The following ELK3 variants were observed in gnomAD, a reference collection of about 807,000 sequenced individuals.
The protein encoded by ELK3 is ETS domain-containing protein Elk-3.
In ELK3, 10 loss-of-function variants were observed where a neutral mutation model predicts 28.9. The observed-to-expected ratio is 0.35, with a 90% CI of 0.21 to 0.59. The LOEUF is 0.59. Among genes scored for constraint, ELK3 ranks in the 20% least tolerant of loss-of-function variants. The pLI, the probability that ELK3 is intolerant of heterozygous loss-of-function variation, is 0.82. For missense variants in ELK3, 463 were observed against 517.3 expected, an observed-to-expected ratio of 0.90 and a Z score of 1.02; for synonymous variants, 272 against 243.5, an observed-to-expected ratio of 1.12 and a Z score of -1.09.
intron 1 of ELK3, among the ~76,000 whole-genome samples, chr12:96,199,028 G>A (rs1265882500): frequency 6.6e-6 from 1 of 152,144 alleles, no homozygotes. Flanking sequence ...AATGTTCTAA[G>A]AATGCTGCCC....
At chr12:96,263,261 G>A (rs1303755651) in intron 4 of ELK3, among the ~76,000 whole-genome samples, 1 of 152,192 alleles carries the variant, frequency 6.6e-6, no homozygotes, top group Non-Finnish European at 1.5e-5. Context: ...CTTTAAAATT[G>A]AGAAATGTTT....
intron 1 of ELK3, among the ~76,000 whole-genome samples, chr12:96,195,994 G>T (rs1438444767): frequency 6.8e-6 from 1 of 145,990 alleles, no homozygotes; most frequent in Non-Finnish European, 1.5e-5. Flanking sequence ...AGTTGTTTTT[G>T]GAGTTGGCTG....
intron 1 of ELK3, among the ~76,000 whole-genome samples, chr12:96,212,042 C>T (rs34917590): frequency 6.6e-5 from 10 of 152,164 alleles, no homozygotes; most frequent in African/African-American, 2.4e-4. Context: ...CGATAAGAAC[C>T]TCAGTGTTGT....
intron 2 of ELK3, among the ~76,000 whole-genome samples, chr12:96,239,216 ACCT>A (rs1364645761): frequency 1.3e-5 from 2 of 152,194 alleles, no homozygotes; most frequent in African/African-American, 4.8e-5. Context: ...TAATTTTTCT[ACCT>A]CCTTTTATTT....
chr12:96,266,656 A>ATATAG, intron 4 of ELK3, among the ~76,000 whole-genome samples: 1 of 152,334 alleles, frequency 6.6e-6, no homozygotes, highest in Admixed American at 6.5e-5. Context: ...AAATTTCAAA[A>ATATAG]TATAGTATTA....
In ELK3 at chr12:96,246,987, C is replaced by T. The variant is rs749219089; in HGVS notation, c.255C>T (p.Val85=). 18 of 1,612,040 alleles carry T rather than the reference C, an allele frequency of 1.1e-5. No homozygotes were observed. The highest frequency in any genetic ancestry group is 5.0e-5 in the Admixed American group (3 of 59,662). ...GGCAGAAGTTTGTGTACAAGTTTGT[C>T]TCTTTCCCGGAGATCCTGAAGATGG... ...VIGQKFVYKF[V]SFPEILKMDP... Residue 85 remains valine, a synonymous_variant, in exon 3 of 5, where the codon GTC becomes GTT. Coordinates refer to ENST00000228741, the MANE Select transcript of ELK3 (RefSeq NM_005230.4).
Position 96,247,226 on chromosome 12 carries a change from A to G in ELK3, c.494A>G (p.Lys165Arg). The change falls in exon 3 of 5, where the codon AAG (lysine) becomes AGG (arginine). Residue 165 changes from lysine to arginine, a missense_variant. Lys to Arg is a conservative substitution (Grantham distance 26). Transcript: ENST00000228741. The surrounding 1 kb of genome is among the most constrained non-coding windows in gnomAD (Gnocchi z 5.5). ...GCCTTCAAGGCCATCAAGACGGAGA[A>G]GCTGGAGGAGCCGCCCGAAGACAGC... is the stretch of plus-strand genomic sequence containing the variant. The part of the protein sequence containing the change: ...PDAFKAIKTE[K>R]LEEPPEDSPP... 1.2e-6 allele frequency: 2 copies of G among 1,614,238 alleles called. No homozygotes were observed. Among genetic ancestry groups the G allele is most frequent in the Non-Finnish European group, 1.7e-6 (2 of 1,180,036 alleles).
chr12:96,251,082 C>T (rs1951901754), intron 3 of ELK3, among the ~76,000 whole-genome samples: 3 of 152,306 alleles, frequency 2.0e-5, no homozygotes, highest in Non-Finnish European at 2.9e-5. Context: ...GTCTTGTCAG[C>T]GCCAGTCTGT....
chr12:96,261,986 T>A (rs1285475103), intron 4 of ELK3, among the ~76,000 whole-genome samples: 1 of 151,432 alleles, frequency 6.6e-6, no homozygotes, highest in African/African-American at 2.4e-5. Context: ...AGTTTCTGAC[T>A]CAGTAGGTCT....
intron 1 of ELK3, among the ~76,000 whole-genome samples, chr12:96,218,116 A>G (rs1199043069): frequency 6.6e-6 from 1 of 152,174 alleles, no homozygotes; most frequent in Non-Finnish European, 1.5e-5. Context: ...AGTTGGGGCA[A>G]GTAACAGGTG....
At chr12:96,233,231 T>TGAAGACACG (rs1204011716) in intron 2 of ELK3, among the ~76,000 whole-genome samples, 1 of 152,192 alleles carries the variant, frequency 6.6e-6, no homozygotes, top group Non-Finnish European at 1.5e-5. Context: ...CACGAGAAGC[T>TGAAGACACG]GAAGACACGG....
chr12:96,197,039 A>G (rs1210550778), intron 1 of ELK3, among the ~76,000 whole-genome samples: 1 of 152,204 alleles, frequency 6.6e-6, no homozygotes, highest in South Asian at 2.1e-4. Flanking sequence ...TAGGCTAACA[A>G]AACTTATAAT....
intron 1 of ELK3, among the ~76,000 whole-genome samples, chr12:96,197,069 C>T (rs961036835): frequency 4.6e-5 from 7 of 152,184 alleles, no homozygotes; most frequent in South Asian, 4.2e-4. Flanking sequence ...AAAAGACTTA[C>T]GAGATCTCAT....
At chr12:96,220,279 G>T (rs978157999) in intron 1 of ELK3, among the ~76,000 whole-genome samples, 1 of 151,224 alleles carries the variant, frequency 6.6e-6, no homozygotes. Context: ...TTTGCCTGAG[G>T]TTATGGCCAT....
chr12:96,256,326 A>C (rs1951948456), intron 3 of ELK3, among the ~76,000 whole-genome samples: 2 of 152,168 alleles, frequency 1.3e-5, no homozygotes, highest in South Asian at 2.1e-4. Context: ...GGGGCTGTGC[A>C]TGCAGGGTTT....
At chr12:96,209,912 T>TC (rs1951564979) in intron 1 of ELK3, among the ~76,000 whole-genome samples, 1 of 151,600 alleles carries the variant, frequency 6.6e-6, no homozygotes, top group Non-Finnish European at 1.5e-5. Flanking sequence ...CACGACTTTT[T>TC]CTCCTTTTTT....
intron 4 of ELK3, among the ~76,000 whole-genome samples, chr12:96,262,612 A>G (rs1443759644): frequency 1.3e-5 from 2 of 152,158 alleles, no homozygotes; most frequent in African/African-American, 4.8e-5. Flanking sequence ...AAGGAAAAAC[A>G]ATTTTTTGCC....
intron 3 of ELK3, among the ~76,000 whole-genome samples, chr12:96,253,081 C>T (rs575180151): frequency 2.6e-5 from 4 of 152,222 alleles, no homozygotes; most frequent in African/African-American, 4.8e-5. Flanking sequence ...GCCAACATGG[C>T]AAAACCCCGT....
Position 96,194,395 on chromosome 12 carries a change from C to G in ELK3, c.-313C>G, listed in dbSNP as rs1277004399. ...GAGGCGCGGGCCTGGGCGGCCAGCC[C>G]CGGCGCACAGCCGCGGCCGGGGCGC... On this transcript the variant is annotated 5_prime_UTR_variant, in exon 1 of 5. Transcript: ENST00000228741. 1 of 146,418 alleles carries G rather than the reference C, an allele frequency of 6.8e-6. No homozygotes were observed. The highest frequency in any genetic ancestry group is 1.5e-5 in the Non-Finnish European group (1 of 65,930). The allele number at this position is 146,418 out of a possible 1,614,324, so 9.1% of individuals were successfully genotyped here.
Sources: gnomAD v4.1 joint callset for allele counts (sites outside exome capture counted in the v4.1 genomes callset) on GRCh38, gnomAD v4.1.1 for gene constraint, Gnocchi (gnomAD v3.1) non-coding constraint, MANE v1.5 for transcripts, NCBI Gene and HGNC (gene_info 2026-07-23, HGNC 2026-07-21) for gene names.